Variants in ZNF718 observed in about 807,000 individuals in gnomAD.
ZNF718 encodes zinc finger protein 718.
Under a neutral mutation model 2.6 loss-of-function variants are expected in ZNF718, and 3 were observed. The observed-to-expected ratio is 1.16, with a 90% CI of 0.53 to 3.01. ZNF718 has a LOEUF of 3.01. Among genes scored for constraint, ZNF718 ranks in the 30% most tolerant of loss-of-function variants. The probability of loss-of-function intolerance (pLI) is 0.03; values close to 1 mark genes in which losing one functional copy is unlikely to be tolerated. For missense variants in ZNF718, 468 were observed against 230.0 expected (o/e 2.03, Z -6.69); for synonymous variants, 135 against 77.9 (o/e 1.73, Z -3.86).
chr4:162,304 C>G lies in ZNF718; in HGVS notation c.*182C>G, dbSNP rs1310441131. ...TAAAAATATGAAAAATGTGGAAAAG[C>G]CTTCAAATGCTTGTCACATATTACT... On this transcript the variant is annotated 3_prime_UTR_variant, in exon 4 of 4. Transcript: ENST00000510175. 13 of 482,168 alleles carry G rather than the reference C, an allele frequency of 2.7e-5. No individual in the cohort carries two copies. The highest frequency in any genetic ancestry group is 4.0e-5 in the Non-Finnish European group (11 of 272,634). 29.9% of individuals were successfully genotyped at this position (482,168 alleles called of 1,614,324 possible). A position where few individuals can be genotyped will look rare whatever the true frequency, so the allele number is the denominator to read the frequency against.
chr4:177,902 G>A (rs1717382578), intron 3 of ZNF718, among the ~76,000 whole-genome samples: 1 of 151,956 alleles, frequency 6.6e-6, no homozygotes, highest in African/African-American at 2.4e-5. Flanking sequence ...GAAAAAAAAA[G>A]CCCCTGAGGG....
intron 3 of ZNF718, among the ~76,000 whole-genome samples, chr4:157,103 C>A (rs572248591): frequency 9.7e-6 from 1 of 103,150 alleles, no homozygotes; most frequent in Non-Finnish European, 1.9e-5. Context: ...TTCTTTCTTT[C>A]TTTTTTTTTT....
At position 151,727 on chromosome 4, in the gene ZNF718, A is replaced by G. The variant is rs181616721; in HGVS notation, c.227-9185A>G. Among the ~76,000 whole-genome samples, 162 of 152,124 alleles carry G rather than the reference A, an allele frequency of 1.1e-3. 1 individual carries two copies. The highest frequency in any genetic ancestry group is 4.2e-3 in the Admixed American group (64 of 15,278). The stretch of plus-strand genomic sequence containing the variant: ...ACTCCTAACCTCAGGTAATCCACCC[A>G]CCTCAACCAACCAATGTAGGGGTGG... On this transcript the variant is annotated intron_variant, in intron 3 of 3. Transcript: ENST00000510175.
downstream of ZNF718, among the ~76,000 whole-genome samples, chr4:167,388 A>C (rs1232847259): frequency 6.6e-6 from 1 of 152,154 alleles, no homozygotes; most frequent in Non-Finnish European, 1.5e-5. Flanking sequence ...TCTGTGAAAA[A>C]AGTCATTGGT....
intron 3 of ZNF718, among the ~76,000 whole-genome samples, chr4:153,919 CTG>C (rs1304764617): frequency 5.3e-5 from 8 of 152,188 alleles, no homozygotes; most frequent in African/African-American, 1.2e-4. Flanking sequence ...CAATATTCAA[CTG>C]TGTACACTAT....
intron 3 of ZNF718, among the ~76,000 whole-genome samples, chr4:154,678 G>A (rs1332900999): frequency 2.6e-5 from 4 of 152,172 alleles, no homozygotes; most frequent in African/African-American, 4.8e-5. Context: ...GGTGACTTGG[G>A]TGCTGTTAAA....
intron 3 of ZNF718, among the ~76,000 whole-genome samples, chr4:157,528 G>T (rs1716629015): frequency 6.6e-6 from 1 of 152,088 alleles, no homozygotes; most frequent in South Asian, 2.1e-4. Flanking sequence ...ATTTGACAGG[G>T]ATTGCATTTA....
downstream of ZNF718, among the ~76,000 whole-genome samples, chr4:169,095 T>C (rs1717162949): frequency 6.6e-6 from 1 of 152,328 alleles, no homozygotes; most frequent in South Asian, 2.1e-4. Context: ...TATTTCTGCC[T>C]TCATTTCATT....
chr4:182,981 T>G (rs573568409), intron 3 of ZNF718, among the ~76,000 whole-genome samples: 8 of 152,322 alleles, frequency 5.3e-5, no homozygotes, highest in Non-Finnish European at 7.4e-5. Context: ...TTTCTTTTTC[T>G]GTGCAGAAGC....
chr4:160,493 A>C (rs995321261), intron 3 of ZNF718, among the ~76,000 whole-genome samples: 2 of 152,198 alleles, frequency 1.3e-5, no homozygotes, highest in Non-Finnish European at 2.9e-5. Flanking sequence ...ACTTTGTATA[A>C]TTTTATATAT....
chr4:156,691 T>A (rs537498751), intron 3 of ZNF718, among the ~76,000 whole-genome samples: 2 of 152,314 alleles, frequency 1.3e-5, no homozygotes, highest in East Asian at 3.9e-4. Context: ...TTTAGATAGC[T>A]TATGTAAGTT....
intron 3 of ZNF718, among the ~76,000 whole-genome samples, chr4:142,852 T>C (rs1715873293): frequency 6.6e-6 from 1 of 152,222 alleles, no homozygotes; most frequent in Admixed American, 6.5e-5. Flanking sequence ...CATTCTTTGA[T>C]CTATTTAATT....
At chr4:133,195 A>ATATATATATAT (rs1553808658) in intron 3 of ZNF718, among the ~76,000 whole-genome samples, 1 of 20,778 alleles carries the variant, frequency 4.8e-5, no homozygotes. Flanking sequence ...AAAAAAAAAA[A>ATATATATATAT]ATATATATAT....
At position 156,090 on chromosome 4, in the gene ZNF718, C is replaced by A. The variant is rs562100667; in HGVS notation, c.227-4822C>A. On this transcript the variant is annotated intron_variant, in intron 3 of 3. Transcript: ENST00000510175. ...TGTACCTCCCACAATGATTTTGAGG[C>A]CACCCCAGCCACATGTGAGTCCATT... Among the ~76,000 whole-genome samples, 4 of 152,254 alleles carry A rather than the reference C, an allele frequency of 2.6e-5. No homozygotes were observed. The East Asian group carries it at 7.7e-4, about 29-fold the overall frequency.
intron 1 of ZNF718, among the ~76,000 whole-genome samples, chr4:128,349 C>A (rs1316239814): frequency 9.6e-6 from 1 of 104,038 alleles, no homozygotes; most frequent in African/African-American, 3.3e-5. Context: ...CTGATGGGAA[C>A]AGAATCCTGT....
downstream of ZNF718, among the ~76,000 whole-genome samples, chr4:166,073 T>G (rs1287085365): frequency 6.6e-5 from 10 of 152,152 alleles, no homozygotes; most frequent in African/African-American, 2.4e-4. Context: ...ACTGTTCAAT[T>G]CCCACCTATG....
chr4:124,708 G>T, intron 1 of ZNF718, 35 bp downstream of exon 1: 1 of 1,607,912 alleles, frequency 6.2e-7, no homozygotes, highest in Non-Finnish European at 8.5e-7. Flanking sequence ...CAAGGCTGTG[G>T]AGGCCTCATC....
intron 3 of ZNF718, among the ~76,000 whole-genome samples, chr4:159,087 A>C (rs1321341327): frequency 6.8e-6 from 1 of 147,554 alleles, no homozygotes; most frequent in Non-Finnish European, 1.5e-5. Flanking sequence ...CCCAGGCTAG[A>C]GTGCAGTGGC....
intron 3 of ZNF718, among the ~76,000 whole-genome samples, chr4:187,984 A>G (rs1717601979): frequency 1.3e-5 from 2 of 152,150 alleles, no homozygotes; most frequent in African/African-American, 4.8e-5. Context: ...CCCAGCAAGG[A>G]AAAATGGATT....
Sources: allele counts gnomAD v4.1 joint callset (sites outside exome capture counted in the v4.1 genomes callset), GRCh38; gene constraint gnomAD v4.1.1; transcripts MANE v1.5; gene names NCBI Gene and HGNC (gene_info 2026-07-23, HGNC 2026-07-21).